RASSF6: variants seen among roughly 807,000 people sequenced by gnomAD.
RASSF6 encodes ras association domain-containing protein 6.
A neutral mutation model predicts 44.0 loss-of-function variants in RASSF6; 52 were observed. That is an observed-to-expected ratio of 1.18 (90% CI 0.95 to 1.49). The LOEUF is 1.49. Among genes scored for constraint, RASSF6 ranks in the 40% most tolerant of loss-of-function variants. The pLI is 0.00. For synonymous variants in RASSF6, 162 were observed against 124.6 expected (o/e 1.30, Z -2.00); for missense variants, 464 against 393.3 (o/e 1.18, Z -1.52).
rs1030003244 is a variant in RASSF6 at position 73,574,503 on chromosome 4, A to G, written c.*1732T>C. The G allele has an allele frequency of 6.6e-6, 1 of 152,278 alleles. No individual in the cohort carries two copies. Among genetic ancestry groups the G allele is most frequent in the African/African-American group, 2.4e-5 (1 of 41,428 alleles). 9.4% of individuals were successfully genotyped at this position (152,278 alleles called of 1,614,324 possible). A position where few individuals can be genotyped will look rare whatever the true frequency, so the allele number is the denominator to read the frequency against. On this transcript the variant is annotated 3_prime_UTR_variant, in exon 11 of 11. Coordinates refer to ENST00000307439, the MANE Select transcript of RASSF6 (RefSeq NM_177532.5). Reference sequence around the variant, plus strand: ...GGCTGCAACCACACCTTCTCCAGTGAATTCTGAAACCCTCATTCCTGCCTT... The same window carrying G: ...GGCTGCAACCACACCTTCTCCAGTGGATTCTGAAACCCTCATTCCTGCCTT...
chr4:73,620,203 A>G, intron 1 of RASSF6, 85 bp downstream of exon 1: 4 of 849,760 alleles, frequency 4.7e-6, no homozygotes, highest in South Asian at 2.3e-5. Context: ...TTTGTTGCCT[A>G]TGGATTCTGC....
intron 8 of RASSF6, among the ~76,000 whole-genome samples, chr4:73,577,602 G>C (rs534683345): frequency 4.6e-5 from 7 of 152,254 alleles, no homozygotes; most frequent in Non-Finnish European, 1.0e-4. Context: ...CACAATTAAA[G>C]TGATATTACC....
chr4:73,582,407 T>A (rs901513251), intron 6 of RASSF6, 117 bp from the exon 7 acceptor site: 7 of 458,754 alleles, frequency 1.5e-5, no homozygotes, highest in African/African-American at 4.3e-5. Flanking sequence ...ATTTAAAAAA[T>A]TTGTTTTGTT....
chr4:73,590,654 C>T (rs969477410), intron 4 of RASSF6, among the ~76,000 whole-genome samples: 3 of 152,184 alleles, frequency 2.0e-5, no homozygotes, highest in African/African-American at 7.2e-5. Context: ...TGTGCTGTGC[C>T]TTCCTGCCTG....
intron 3 of RASSF6, among the ~76,000 whole-genome samples, chr4:73,598,177 A>T (rs192972125): frequency 1.2e-3 from 183 of 152,258 alleles, no homozygotes; most frequent in African/African-American, 3.9e-3. Context: ...ATATTTCAAA[A>T]TTTTTATTAT....
At chr4:73,582,122 G>A in intron 7 of RASSF6, 67 bp downstream of exon 7, 1 of 783,296 alleles carries the variant, frequency 1.3e-6, no homozygotes, top group South Asian at 2.0e-5. Context: ...TCAGAAGAGT[G>A]GATTTGTGTG....
At chr4:73,613,933 C>G (rs1444790572) in intron 1 of RASSF6, among the ~76,000 whole-genome samples, 1 of 152,140 alleles carries the variant, frequency 6.6e-6, no homozygotes, top group African/African-American at 2.4e-5. Context: ...ATCCCATAAT[C>G]TCTGTTGAGC....
chr4:73,584,289 T>C (rs1203613776), intron 6 of RASSF6, among the ~76,000 whole-genome samples: 1 of 152,124 alleles, frequency 6.6e-6, no homozygotes, highest in African/African-American at 2.4e-5. Flanking sequence ...TTCCTATTTC[T>C]TATTAAAGGC....
At chr4:73,605,670 T>C (rs1421530071) in intron 2 of RASSF6, among the ~76,000 whole-genome samples, 2 of 152,226 alleles carry the variant, frequency 1.3e-5, no homozygotes, top group African/African-American at 4.8e-5. Flanking sequence ...TCTATCTCGA[T>C]TGAAGCAAAA....
chr4:73,614,033 T>C (rs1726188375), intron 1 of RASSF6, among the ~76,000 whole-genome samples: 1 of 152,182 alleles, frequency 6.6e-6, no homozygotes, highest in South Asian at 2.1e-4. Flanking sequence ...ACCACTGACT[T>C]TCTCCCATGC....
chr4:73,582,096 CCTTTATAGAT>C, intron 7 of RASSF6, 83 bp downstream of exon 7: 1 of 703,334 alleles, frequency 1.4e-6, no homozygotes. Flanking sequence ...TAGATTTACA[CCTTTATAGAT>C]CTGTTTCAGA....
intron 2 of RASSF6, among the ~76,000 whole-genome samples, chr4:73,599,581 G>A (rs940705551): frequency 6.6e-6 from 1 of 152,138 alleles, no homozygotes; most frequent in Non-Finnish European, 1.5e-5. Flanking sequence ...CTGGCAGTGG[G>A]AACACTGGCT....
chr4:73,614,626 T>C (rs763469492), intron 1 of RASSF6, among the ~76,000 whole-genome samples: 11 of 152,236 alleles, frequency 7.2e-5, no homozygotes, highest in Non-Finnish European at 1.3e-4. Flanking sequence ...TCCAACTGGC[T>C]CACTCTTTAT....
chr4:73,589,567 A>G (rs1724364106), intron 4 of RASSF6, among the ~76,000 whole-genome samples: 1 of 152,130 alleles, frequency 6.6e-6, no homozygotes, highest in Non-Finnish European at 1.5e-5. Context: ...GTCATCCAAT[A>G]TATTCTGTGT....
At chr4:73,579,274 G>A (rs1259934848) in intron 8 of RASSF6, among the ~76,000 whole-genome samples, 1 of 152,098 alleles carries the variant, frequency 6.6e-6, no homozygotes, top group African/African-American at 2.4e-5. Context: ...AGGCACTAGT[G>A]CTTATATTTT....
At chr4:73,615,913 A>T in intron 1 of RASSF6, 10 of 1,550,416 alleles carry the variant, frequency 6.4e-6, no homozygotes, top group Non-Finnish European at 8.7e-6. Context: ...GACCAGAATG[A>T]GGCCAGAGGA....
At chr4:73,595,225 C>A (rs908865076) in intron 3 of RASSF6, among the ~76,000 whole-genome samples, 2 of 152,074 alleles carry the variant, frequency 1.3e-5, no homozygotes, top group Non-Finnish European at 2.9e-5. Flanking sequence ...GACAGAGTCT[C>A]GCTCTGTCAC....
intron 3 of RASSF6, among the ~76,000 whole-genome samples, chr4:73,595,345 C>T (rs959691341): frequency 2.0e-5 from 3 of 152,104 alleles, no homozygotes; most frequent in African/African-American, 4.8e-5. Context: ...AGGCATGCAC[C>T]ACCATGCCTG....
In RASSF6 at chr4:73,576,399, T is replaced by C; in HGVS notation, c.938+11A>G. On this transcript the variant is annotated intron_variant, in intron 10 of 10. Transcript: ENST00000307439. The stretch of plus-strand genomic sequence containing the variant: ...AGAACGGAGTATCCAATGTGCATGC[T>C]CTTGACTTACTTTGTTACTATTCTT... 5.9e-6 allele frequency: 9 copies of C among 1,527,470 alleles called. No homozygotes were observed. Among genetic ancestry groups the C allele is most frequent in the Non-Finnish European group, 8.1e-6 (9 of 1,113,192 alleles). 94.6% of individuals were successfully genotyped at this position (1,527,470 alleles called of 1,614,324 possible).
Sources: gnomAD v4.1 joint callset for allele counts (sites outside exome capture counted in the v4.1 genomes callset) on GRCh38, gnomAD v4.1.1 for gene constraint, MANE v1.5 for transcripts, NCBI Gene and HGNC (gene_info 2026-07-23, HGNC 2026-07-21) for gene names.